The following TNPO1 variants were observed in gnomAD, a reference collection of about 807,000 sequenced individuals.
TNPO1 encodes transportin-1.
A neutral mutation model predicts 119.5 loss-of-function variants in TNPO1; 8 were observed. The observed-to-expected ratio is 0.07, with a 90% CI of 0.04 to 0.12. TNPO1 has a LOEUF of 0.12. TNPO1 is among the 10% of genes least tolerant of loss of function. The pLI, the probability that TNPO1 is intolerant of heterozygous loss-of-function variation, is 1.00. For missense variants in TNPO1, 576 were observed against 1,089.8 expected (o/e 0.53, Z 6.64); for synonymous variants, 362 against 363.0 (o/e 1.00, Z 0.03).
chr5:72,821,441 C>G (rs983209897), intron 1 of TNPO1, among the ~76,000 whole-genome samples: 4 of 152,056 alleles, frequency 2.6e-5, no homozygotes, highest in African/African-American at 7.2e-5. Flanking sequence ...TGGTATCCAA[C>G]AAGATTTTAA....
intron 18 of TNPO1, among the ~76,000 whole-genome samples, chr5:72,894,988 G>A (rs910178821): frequency 3.3e-5 from 5 of 152,150 alleles, no homozygotes; most frequent in African/African-American, 4.8e-5. Flanking sequence ...CTATCACCCA[G>A]CTTCAACTGT....
At chr5:72,871,279 T>C (rs1747379054) in intron 6 of TNPO1, among the ~76,000 whole-genome samples, 1 of 152,248 alleles carries the variant, frequency 6.6e-6, no homozygotes, top group South Asian at 2.1e-4. Context: ...GCCCAGCCAG[T>C]AGTAGTTTTA....
chr5:72,904,518 G>A (rs155512), intron 23 of TNPO1, among the ~76,000 whole-genome samples: 72,729 of 152,044 alleles, frequency 0.48, 18,528 homozygotes, highest in Admixed American at 0.61. Flanking sequence ...CCCAAGGGCC[G>A]GGCTCAGTGG....
At position 72,872,635 on chromosome 5, in the gene TNPO1, C is replaced by T. The variant is rs751904669; in HGVS notation, c.597-4C>T. On this transcript the variant is annotated splice_region_variant and splice_polypyrimidine_tract_variant and intron_variant, in intron 6 of 24. Transcript: ENST00000337273. ...ATATGTTAAATTTTAAACTTTGTTT[C>T]TAGGTCTCACGCTGTTGCATGTGTC... The T allele has an allele frequency of 6.2e-7, 1 of 1,600,626 alleles. No homozygotes were observed. Among genetic ancestry groups the T allele is most frequent in the Non-Finnish European group, 8.5e-7 (1 of 1,173,744 alleles).
Position 72,860,082 on chromosome 5 carries a change from A to G in TNPO1, c.356-1726A>G, listed in dbSNP as rs544437609. ...AATTTAATTTTTTTGTGTGTGGAGA[A>G]TAAATTTGCCGGGAGCTTTACTTTC... On this transcript the variant is annotated intron_variant, in intron 4 of 24. Transcript: ENST00000337273. Among the ~76,000 whole-genome samples, 10 of 152,290 alleles carry G rather than the reference A, an allele frequency of 6.6e-5. No individual in the cohort carries two copies. The East Asian group carries it at 1.5e-3, about 23-fold the overall frequency.
In TNPO1 at chr5:72,896,996, T is replaced by C. The variant is rs968777018; in HGVS notation, c.2243-60T>C. ...AATACGGGAAGCAAAATATTTCACATTGATATTTTAACGTTCAATTTTTTC... is the reference window on the plus strand; with the variant it reads ...AATACGGGAAGCAAAATATTTCACACTGATATTTTAACGTTCAATTTTTTC... On this transcript the variant is annotated intron_variant, in intron 19 of 24. Coordinates refer to ENST00000337273, the MANE Select transcript of TNPO1 (RefSeq NM_002270.4). 8.0e-6 allele frequency: 8 copies of C among 999,642 alleles called. No homozygotes were observed. In the African/African-American group the frequency reaches 8.3e-5, roughly 10 times the overall value. The allele number at this position is 999,642 out of a possible 1,614,324, so 61.9% of individuals were successfully genotyped here.
intron 12 of TNPO1, 22 bp from the exon 13 acceptor site, chr5:72,888,056 G>T: frequency 6.3e-7 from 1 of 1,597,356 alleles, no homozygotes; most frequent in Non-Finnish European, 8.5e-7. Context: ...TTAGCATTTT[G>T]AAAGATTTAT....
intron 1 of TNPO1, among the ~76,000 whole-genome samples, chr5:72,832,919 T>G (rs1333781080): frequency 3.3e-5 from 5 of 152,110 alleles, no homozygotes; most frequent in Non-Finnish European, 7.4e-5. Flanking sequence ...GGTATATTCA[T>G]TAGACTTCCT....
chr5:72,849,986 G>A (rs550392679), intron 2 of TNPO1, among the ~76,000 whole-genome samples: 1 of 152,222 alleles, frequency 6.6e-6, no homozygotes, highest in Admixed American at 6.5e-5. Flanking sequence ...TTAGTACCGT[G>A]CTTGGGCAAG....
rs755807223 is a variant in TNPO1 at position 72,848,475 on chromosome 5, A to C, written c.106A>C (p.Thr36Pro). Residue 36 changes from threonine (T) to proline (P), a missense_variant, in exon 2 of 25, where the codon ACC (threonine) becomes CCC (proline). By Grantham distance (38) the Thr-to-Pro change is conservative. This residue lies in a region of TNPO1 where 57 missense variants were observed against 59.5 expected (regional missense o/e 0.96). Transcript: ENST00000337273. ...LLKESQSPDT[T>P]IQRTVQQKLE... ...GAAGGAGTCCCAGTCCCCAGACACCACCATCCAGAGAACCGTGCAACAAGT... is the reference window on the plus strand; with the variant it reads ...GAAGGAGTCCCAGTCCCCAGACACCCCCATCCAGAGAACCGTGCAACAAGT... The C allele has an allele frequency of 4.4e-6, 7 of 1,609,138 alleles. No homozygotes were observed. In the South Asian group the frequency reaches 7.7e-5, roughly 18 times the overall value.
At chr5:72,872,494 T>G in intron 6 of TNPO1, 145 bp from the exon 7 acceptor site, 1 of 539,450 alleles carries the variant, frequency 1.9e-6, no homozygotes, top group Non-Finnish European at 3.2e-6. Flanking sequence ...CTTTCCTTGT[T>G]GATACAGAAG....
intron 1 of TNPO1, among the ~76,000 whole-genome samples, chr5:72,835,289 G>A (rs987606189): frequency 1.3e-5 from 2 of 152,036 alleles, no homozygotes; most frequent in Non-Finnish European, 2.9e-5. Flanking sequence ...CAATATTTCT[G>A]TTTTGATTTT....
chr5:72,827,947 C>T (rs1032013628), intron 1 of TNPO1, among the ~76,000 whole-genome samples: 4 of 151,370 alleles, frequency 2.6e-5, no homozygotes, highest in African/African-American at 9.7e-5. Context: ...TTTCTTTCAA[C>T]CAGCAAAGTT....
chr5:72,821,099 T>A (rs979724837), intron 1 of TNPO1, among the ~76,000 whole-genome samples: 2 of 152,212 alleles, frequency 1.3e-5, no homozygotes, highest in African/African-American at 4.8e-5. Flanking sequence ...ATGAAGGTTT[T>A]ACTGGGGAAA....
chr5:72,888,005 G>T (rs1748779724), intron 12 of TNPO1, 73 bp from the exon 13 acceptor site: 22 of 1,413,314 alleles, frequency 1.6e-5, no homozygotes, highest in Non-Finnish European at 2.1e-5. Context: ...ATAGATACGT[G>T]TTTTATTTTC....
intron 18 of TNPO1, 106 bp from the exon 19 acceptor site, chr5:72,896,352 C>A: frequency 1.7e-6 from 1 of 593,336 alleles, no homozygotes; most frequent in South Asian, 3.6e-5. Flanking sequence ...AATGGTGAAA[C>A]TTGTTATTTC....
chr5:72,871,187 G>A (rs1219077055), intron 6 of TNPO1, among the ~76,000 whole-genome samples: 3 of 152,118 alleles, frequency 2.0e-5, no homozygotes, highest in African/African-American at 7.2e-5. Context: ...ATGTTGGCCA[G>A]GCTGGTCTAG....
intron 1 of TNPO1, among the ~76,000 whole-genome samples, chr5:72,828,132 A>G (rs1744286746): frequency 6.6e-6 from 1 of 152,120 alleles, no homozygotes; most frequent in Admixed American, 6.5e-5. Context: ...AGCCAGTGAG[A>G]TACGAGGAGA....
chr5:72,863,022 GT>G, intron 5 of TNPO1, among the ~76,000 whole-genome samples: 1 of 148,264 alleles, frequency 6.7e-6, no homozygotes, highest in East Asian at 2.0e-4. Flanking sequence ...GTGTGTGTGT[GT>G]GTGGTTTTTT....
Sources: allele counts gnomAD v4.1 joint callset (sites outside exome capture counted in the v4.1 genomes callset), GRCh38; gene constraint gnomAD v4.1.1; regional missense constraint gnomAD v4.1.1; transcripts MANE v1.5; gene names NCBI Gene and HGNC (gene_info 2026-07-23, HGNC 2026-07-21).